The following IL1RAPL2 variants were observed in gnomAD, a reference collection of about 807,000 sequenced individuals.
IL1RAPL2 encodes X-linked interleukin-1 receptor accessory protein-like 2.
Under a neutral mutation model 44.1 loss-of-function variants are expected in IL1RAPL2, and 3 were observed. That is an observed-to-expected ratio of 0.07 (90% CI 0.03 to 0.18). The LOEUF is 0.18. Among genes scored for constraint, IL1RAPL2 ranks in the 10% least tolerant of loss-of-function variants. IL1RAPL2 has a pLI of 1.00. For synonymous variants in IL1RAPL2, 181 were observed against 178.8 expected (o/e 1.01, Z -0.10); for missense variants, 391 against 496.4 (o/e 0.79, Z 2.02).
intron 5 of IL1RAPL2, among the ~76,000 whole-genome samples, chrX:105,360,294 T>G (rs1028632636): frequency 1.8e-5 from 2 of 111,330 alleles, no homozygotes; most frequent in African/African-American, 6.5e-5. Context: ...TAGGCCTATG[T>G]CAATTGGATT....
chrX:105,671,143 C>T (rs949685148), intron 6 of IL1RAPL2, among the ~76,000 whole-genome samples: 6 of 110,315 alleles, frequency 5.4e-5, no homozygotes, highest in Non-Finnish European at 1.1e-4. Context: ...GATGGTGTTT[C>T]GCCATGTGGG....
chrX:105,486,743 T>TATCTATCTATCTATCC (rs2036270794), intron 6 of IL1RAPL2, among the ~76,000 whole-genome samples: 1 of 109,456 alleles, frequency 9.1e-6, no homozygotes, highest in African/African-American at 3.4e-5. Context: ...TATATCTATC[T>TATCTATCTATCTATCC]ATCTATCTAT....
chrX:105,220,157 T>C (rs781996269), intron 3 of IL1RAPL2: 3 of 1,211,784 alleles, frequency 2.5e-6, no homozygotes, highest in African/African-American at 3.5e-5. Flanking sequence ...TGTGCCTGCC[T>C]GTGGGCAAAG....
chrX:105,466,316 A>G (rs2036129642), intron 5 of IL1RAPL2, among the ~76,000 whole-genome samples: 1 of 110,857 alleles, frequency 9.0e-6, no homozygotes, highest in Non-Finnish European at 1.9e-5. Context: ...TGTTTTTAGC[A>G]TAAATGAATA....
At chrX:104,894,885 T>C (rs1284072711) in intron 2 of IL1RAPL2, among the ~76,000 whole-genome samples, 4 of 112,263 alleles carry the variant, frequency 3.6e-5, no homozygotes, top group African/African-American at 9.7e-5. Flanking sequence ...TTTTCAGCTT[T>C]TCTGCTCCGT....
chrX:105,375,232 C>G (rs2035378438), intron 5 of IL1RAPL2, among the ~76,000 whole-genome samples: 1 of 111,006 alleles, frequency 9.0e-6, no homozygotes, highest in Non-Finnish European at 1.9e-5. Flanking sequence ...ACAATCTGAG[C>G]TGGGCATGGT....
At chrX:105,433,496 A>G (rs1184855826) in intron 5 of IL1RAPL2, among the ~76,000 whole-genome samples, 4 of 111,398 alleles carry the variant, frequency 3.6e-5, no homozygotes, top group African/African-American at 1.3e-4. Context: ...TTGGCTCCAT[A>G]ACAATAATGC....
intron 2 of IL1RAPL2, among the ~76,000 whole-genome samples, chrX:105,142,497 G>T (rs945290008): frequency 1.9e-4 from 21 of 111,136 alleles, no homozygotes; most frequent in Non-Finnish European, 3.8e-4. Flanking sequence ...GCCTGGATGC[G>T]GTGGTTTTTC....
At chrX:104,569,449 A>G (rs574174018) in intron 1 of IL1RAPL2, among the ~76,000 whole-genome samples, 78 of 111,968 alleles carry the variant, frequency 7.0e-4, no homozygotes, top group African/African-American at 2.3e-3. Flanking sequence ...TTGTTTGCCA[A>G]TAACTGGCAA....
At chrX:105,252,367 G>A (rs994135473) in intron 4 of IL1RAPL2, among the ~76,000 whole-genome samples, 1 of 111,397 alleles carries the variant, frequency 9.0e-6, no homozygotes, top group African/African-American at 3.3e-5. Context: ...TTTTGATTAG[G>A]AATAAAACTG....
chrX:105,384,789 A>C (rs1326624770), intron 5 of IL1RAPL2, among the ~76,000 whole-genome samples: 1 of 110,816 alleles, frequency 9.0e-6, no homozygotes, highest in Non-Finnish European at 1.9e-5. Context: ...ATTTTTTATC[A>C]ATTTTTCATA....
At chrX:104,869,870 T>TCAC (rs1316533100) in intron 2 of IL1RAPL2, among the ~76,000 whole-genome samples, 1 of 112,028 alleles carries the variant, frequency 8.9e-6, no homozygotes, top group African/African-American at 3.2e-5. Context: ...TAGGATCTTT[T>TCAC]CACCACCACC....
intron 6 of IL1RAPL2, among the ~76,000 whole-genome samples, chrX:105,613,905 G>A (rs1156534771): frequency 1.8e-5 from 2 of 111,125 alleles, no homozygotes; most frequent in Admixed American, 9.6e-5. Flanking sequence ...TGGGGCCTGG[G>A]AGAGCTTTGC....
At chrX:105,758,086 G>T (rs1490204663) in intron 10 of IL1RAPL2, among the ~76,000 whole-genome samples, 3 of 110,927 alleles carry the variant, frequency 2.7e-5, no homozygotes, top group Non-Finnish European at 5.7e-5. Context: ...TGTTGGGGGG[G>T]AAACCTAGTT....
At chrX:105,209,365 G>A (rs1332710612) in intron 3 of IL1RAPL2, among the ~76,000 whole-genome samples, 3 of 111,971 alleles carry the variant, frequency 2.7e-5, no homozygotes, top group African/African-American at 6.5e-5. Flanking sequence ...GAAAAAAAGA[G>A]GTCAATGAAG....
chrX:105,694,754 C>T (rs1386003710), intron 6 of IL1RAPL2, among the ~76,000 whole-genome samples: 1 of 111,566 alleles, frequency 9.0e-6, no homozygotes, highest in Admixed American at 9.6e-5. Context: ...GCAACATCAA[C>T]ACCTTCCATG....
chrX:104,582,871 TTTC>T (rs1176965006), intron 1 of IL1RAPL2, among the ~76,000 whole-genome samples: 6 of 67,592 alleles, frequency 8.9e-5, no homozygotes, highest in African/African-American at 3.6e-4. Context: ...TTTCTTTCTT[TTTC>T]TTTTCTTTTC....
intron 2 of IL1RAPL2, among the ~76,000 whole-genome samples, chrX:105,031,609 G>T (rs1384047178): frequency 8.9e-6 from 1 of 111,856 alleles, no homozygotes; most frequent in East Asian, 2.8e-4. Flanking sequence ...TGAGCATGGT[G>T]TATAAGCTTT....
chrX:104,858,449 C>T (rs1922419376), intron 2 of IL1RAPL2, among the ~76,000 whole-genome samples: 1 of 111,816 alleles, frequency 8.9e-6, no homozygotes, highest in Non-Finnish European at 1.9e-5. Context: ...CTTAGAGAAT[C>T]ATAAACCACA....
Sources: allele counts gnomAD v4.1 joint callset (sites outside exome capture counted in the v4.1 genomes callset), GRCh38; gene constraint gnomAD v4.1.1; transcripts MANE v1.5; gene names NCBI Gene and HGNC (gene_info 2026-07-23, HGNC 2026-07-21).